CCDC85C: variants seen among roughly 807,000 people sequenced by gnomAD.
CCDC85C encodes the protein coiled-coil domain containing 85C, also known as coiled-coil domain-containing protein 85C.
Under a neutral mutation model 38.3 loss-of-function variants are expected in CCDC85C, and 18 were observed. That is an observed-to-expected ratio of 0.47 (90% CI 0.33 to 0.70). The LOEUF (loss-of-function observed/expected upper bound fraction) is 0.70, where lower values mean the gene tolerates loss of function less well. CCDC85C is among the 30% of genes least tolerant of loss of function. The pLI is 0.03. For missense variants in CCDC85C, 566 were observed against 621.2 expected, an observed-to-expected ratio of 0.91 and a Z score of 0.94; for synonymous variants, 264 against 293.8, an observed-to-expected ratio of 0.90 and a Z score of 1.04.
intron 1 of CCDC85C, among the ~76,000 whole-genome samples, chr14:99,597,930 C>T (rs1309758494): frequency 1.3e-5 from 2 of 152,146 alleles, no homozygotes; most frequent in African/African-American, 4.8e-5. Flanking sequence ...GTTCTAGGAT[C>T]GAGACATTAT....
Position 99,572,468 on chromosome 14 carries a change from A to G in CCDC85C, c.793+30699T>C, listed in dbSNP as rs1448377941. Among the ~76,000 whole-genome samples the G allele has an allele frequency of 6.6e-6, 1 of 151,790 alleles. No homozygotes were observed. Among genetic ancestry groups the G allele is most frequent in the Non-Finnish European group, 1.5e-5 (1 of 67,878 alleles). On this transcript the variant is annotated intron_variant, in intron 1 of 5. Transcript: ENST00000380243. The surrounding 1 kb of genome is among the most constrained non-coding windows in gnomAD (Gnocchi z 4.4). ...AAGCCAGAGGGCCTCACAAGTATAA[A>G]TGATCAGGTATCACACCTCCGCCAG...
intron 2 of CCDC85C, among the ~76,000 whole-genome samples, chr14:99,528,163 C>G (rs1897423986): frequency 6.6e-6 from 1 of 152,116 alleles, no homozygotes; most frequent in Non-Finnish European, 1.5e-5. Flanking sequence ...CACAAAGCAG[C>G]CTCCCGACCC....
chr14:99,511,232 C>T lies in CCDC85C; in HGVS notation c.*4014G>A, dbSNP rs969107026. 1 of 153,054 alleles carries T rather than the reference C, an allele frequency of 6.5e-6. No individual in the cohort carries two copies. The highest frequency in any genetic ancestry group is 1.5e-5 in the Non-Finnish European group (1 of 68,684). 9.5% of individuals were successfully genotyped at this position (153,054 alleles called of 1,614,324 possible). On this transcript the variant is annotated 3_prime_UTR_variant, in exon 6 of 6. Coordinates refer to ENST00000380243, the MANE Select transcript of CCDC85C (RefSeq NM_001144995.2). Reference sequence around the variant, plus strand: ...TCGGTGACATTCTCTCCCATGACACCCAGAAGGGGCAGAAGAACCACATTT... The same window carrying T: ...TCGGTGACATTCTCTCCCATGACACTCAGAAGGGGCAGAAGAACCACATTT...
rs1247851501 is a variant in CCDC85C, at chr14:99,512,126, A to AATG, written c.*3117_*3119dup. 6.6e-6 allele frequency: 1 copy of AATG among 152,250 alleles called. No individual in the cohort carries two copies. The highest frequency in any genetic ancestry group is 1.9e-4 in the East Asian group (1 of 5,194). 9.4% of individuals were successfully genotyped at this position (152,250 alleles called of 1,614,324 possible). On this transcript the variant is annotated 3_prime_UTR_variant, in exon 6 of 6. Transcript: ENST00000380243. The stretch of plus-strand genomic sequence containing the variant: ...TCCTTTTACTAAAATAGTTCAAATC[A>AATG]ATGTTTTTACCACACTATCAAAAAG...
chr14:99,561,023 T>C (rs1344893996), intron 1 of CCDC85C, among the ~76,000 whole-genome samples: 1 of 152,108 alleles, frequency 6.6e-6, no homozygotes, highest in Non-Finnish European at 1.5e-5. Context: ...CCTCCCTCAG[T>C]CTCCACAGGG....
At chr14:99,547,761 G>A (rs749916243) in intron 1 of CCDC85C, among the ~76,000 whole-genome samples, 8 of 151,464 alleles carry the variant, frequency 5.3e-5, no homozygotes, top group South Asian at 2.1e-4. Flanking sequence ...GTGACAGAGC[G>A]AGACTCTGTC....
rs146248042 is a variant in CCDC85C, at chr14:99,556,478, G to A, written c.794-20390C>T. Reference sequence around the variant, plus strand: ...AGTATTAATAGTATCAACGTTAAATGTTCTGATATTGATCATTTTTTGTCA... The same window carrying A: ...AGTATTAATAGTATCAACGTTAAATATTCTGATATTGATCATTTTTTGTCA... On this transcript the variant is annotated intron_variant, in intron 1 of 5. Transcript: ENST00000380243. Among the ~76,000 whole-genome samples, 1,284 of 152,284 alleles carry A rather than the reference G, an allele frequency of 8.4e-3. 5 individuals carry two copies. The highest frequency in any genetic ancestry group is 0.01 in the Non-Finnish European group (713 of 68,022).
chr14:99,573,937 A>T (rs1302250346), intron 1 of CCDC85C, among the ~76,000 whole-genome samples: 1 of 152,122 alleles, frequency 6.6e-6, no homozygotes, highest in Non-Finnish European at 1.5e-5. Flanking sequence ...CCCTAGGTGC[A>T]ATTCTCCTTG....
At chr14:99,541,400 G>A (rs1388993479) in intron 1 of CCDC85C, among the ~76,000 whole-genome samples, 4 of 152,192 alleles carry the variant, frequency 2.6e-5, no homozygotes, top group Non-Finnish European at 5.9e-5. Flanking sequence ...CTGACTCTGC[G>A]GTGCCTGATG....
chr14:99,507,428 G>A lies in CCDC85C; in HGVS notation c.*7818C>T, dbSNP rs1897003022. Reference sequence around the variant, plus strand: ...CCTGTCTAAAAAATTAGCCAGGTGTGGTAGCACACACCTGTAGTCCCAACT... The same window carrying A: ...CCTGTCTAAAAAATTAGCCAGGTGTAGTAGCACACACCTGTAGTCCCAACT... On this transcript the variant is annotated 3_prime_UTR_variant, in exon 6 of 6. Transcript: ENST00000380243. The A allele has an allele frequency of 2.4e-6, 1 of 424,788 alleles. No homozygotes were observed. The highest frequency in any genetic ancestry group is 4.4e-6 in the Non-Finnish European group (1 of 226,540). 26.3% of individuals were successfully genotyped at this position (424,788 alleles called of 1,614,324 possible).
At chr14:99,547,819 T>C (rs116755274) in intron 1 of CCDC85C, among the ~76,000 whole-genome samples, 2,669 of 151,902 alleles carry the variant, frequency 0.018, 88 homozygotes, top group African/African-American at 0.061. Context: ...CTTTCATATA[T>C]ATTTATGGGT....
rs958009804 is a variant in CCDC85C at position 99,516,902 on chromosome 14, C to G, written c.1071+186G>C. Reference sequence around the variant, plus strand: ...GCTCAGGGATGGCAGACAGGTGACACACTTATGACTGCCACCTCTGAGTTC... The same window carrying G: ...GCTCAGGGATGGCAGACAGGTGACAGACTTATGACTGCCACCTCTGAGTTC... On this transcript the variant is annotated intron_variant, in intron 4 of 5. Transcript: ENST00000380243. The surrounding 1 kb of genome is among the most constrained non-coding windows in gnomAD (Gnocchi z 5.5). Among the ~76,000 whole-genome samples, 3 of 152,130 alleles carry G rather than the reference C, an allele frequency of 2.0e-5. No individual in the cohort carries two copies. The highest frequency in any genetic ancestry group is 7.2e-5 in the African/African-American group (3 of 41,414).
chr14:99,590,473 C>T (rs2055073876), intron 1 of CCDC85C, among the ~76,000 whole-genome samples: 1 of 152,178 alleles, frequency 6.6e-6, no homozygotes, highest in African/African-American at 2.4e-5. Flanking sequence ...GTCGGGGGTA[C>T]CGGGGGCCTC....
At chr14:99,515,393 T>C in intron 5 of CCDC85C, 58 bp from the exon 6 acceptor site, 2 of 1,293,306 alleles carry the variant, frequency 1.5e-6, no homozygotes, top group Non-Finnish European at 2.2e-6. Context: ...CTGCCGCCTA[T>C]GCACATCCGC....
chr14:99,567,353 A>ACAGAAGTTT (rs1468587139), intron 1 of CCDC85C, among the ~76,000 whole-genome samples: 1 of 152,132 alleles, frequency 6.6e-6, no homozygotes, highest in Non-Finnish European at 1.5e-5. Flanking sequence ...CACAGGAGGG[A>ACAGAAGTTT]CAGAAGTTTT....
In CCDC85C at chr14:99,576,397, G is replaced by C. The variant is rs992790220; in HGVS notation, c.793+26770C>G. The C allele has an allele frequency of 6.6e-6, 1 of 152,464 alleles. No homozygotes were observed. The highest frequency in any genetic ancestry group is 2.4e-5 in the African/African-American group (1 of 41,462). The allele number at this position is 152,464 out of a possible 1,614,324, so 9.4% of individuals were successfully genotyped here. Reference sequence around the variant, plus strand: ...CAGGACCAAGCTGGCCCAGGAGAAGGACTGAGTCCCTGTGAGCAGCAGCTC... The same window carrying C: ...CAGGACCAAGCTGGCCCAGGAGAAGCACTGAGTCCCTGTGAGCAGCAGCTC... On this transcript the variant is annotated intron_variant, in intron 1 of 5. Transcript: ENST00000380243. The surrounding 1 kb of genome is among the most constrained non-coding windows in gnomAD (Gnocchi z 4.8).
intron 1 of CCDC85C, among the ~76,000 whole-genome samples, chr14:99,561,930 C>G (rs74083723): frequency 6.6e-6 from 1 of 152,216 alleles, no homozygotes; most frequent in Non-Finnish European, 1.5e-5. Context: ...CCTTGCCTGG[C>G]ATGCAGTGAC....
intron 1 of CCDC85C, among the ~76,000 whole-genome samples, chr14:99,579,131 C>A (rs1427683059): frequency 1.3e-5 from 2 of 152,226 alleles, no homozygotes; most frequent in Admixed American, 1.3e-4. Flanking sequence ...GGCCCTGAGT[C>A]CAGAGGTGCT....
chr14:99,532,764 GTTC>G (rs770013937), intron 2 of CCDC85C, among the ~76,000 whole-genome samples: 2,472 of 146,210 alleles, frequency 0.017, 77 homozygotes, highest in African/African-American at 0.06. Flanking sequence ...AGCTCCTCTG[GTTC>G]TTCTTCTTCT....
Sources: allele counts gnomAD v4.1 joint callset (sites outside exome capture counted in the v4.1 genomes callset), GRCh38; gene constraint gnomAD v4.1.1; non-coding constraint Gnocchi (gnomAD v3.1); transcripts MANE v1.5; gene names NCBI Gene and HGNC (gene_info 2026-07-23, HGNC 2026-07-21).